CEP63: variants seen among roughly 807,000 people sequenced by gnomAD.
CEP63 encodes centrosomal protein 63, also known as centrosomal protein of 63 kDa.
CEP63 carries 84 observed loss-of-function variants against 89.1 expected under a neutral mutation model. The observed-to-expected ratio is 0.94, with a 90% CI of 0.79 to 1.13. The LOEUF is 1.13. CEP63 is among the 50% of genes most tolerant of loss of function. The probability of loss-of-function intolerance (pLI) is 0.00; values close to 1 mark genes in which losing one functional copy is unlikely to be tolerated. For synonymous variants in CEP63, 267 were observed against 272.5 expected, an observed-to-expected ratio of 0.98 and a Z score of 0.20; for missense variants, 838 against 813.3, an observed-to-expected ratio of 1.03 and a Z score of -0.37.
chr3:134,524,902 G>C (rs1171427569), intron 3 of CEP63, among the ~76,000 whole-genome samples: 1 of 152,094 alleles, frequency 6.6e-6, no homozygotes, highest in African/African-American at 2.4e-5. Context: ...CCATAGAATG[G>C]GTTAGAGAGG....
At chr3:134,749,454 G>A in the CEP63 span, among the ~76,000 whole-genome samples, 36,227 of 151,892 alleles carry the variant, frequency 0.24, 4,646 homozygotes, top group African/African-American at 0.33. Flanking sequence ...AGCCAAAAGA[G>A]CCTGAACCAG....
At chr3:134,637,876 G>T in the CEP63 span, among the ~76,000 whole-genome samples, 5 of 152,254 alleles carry the variant, frequency 3.3e-5, no homozygotes, top group African/African-American at 9.6e-5. Flanking sequence ...CCAGGGCAGG[G>T]TGTTGAGGTG....
At chr3:134,490,776 C>A (rs749116859) in intron 1 of CEP63, among the ~76,000 whole-genome samples, 5 of 151,924 alleles carry the variant, frequency 3.3e-5, no homozygotes, top group African/African-American at 7.3e-5. Flanking sequence ...AAAACACATA[C>A]CTAAAAGCAA....
the CEP63 span, among the ~76,000 whole-genome samples, chr3:134,701,465 T>C: frequency 6.9e-6 from 1 of 145,062 alleles, no homozygotes; most frequent in Non-Finnish European, 1.5e-5. Context: ...TATATATACA[T>C]ACACACACAC....
At chr3:134,508,940 G>A (rs889415845) in intron 3 of CEP63, among the ~76,000 whole-genome samples, 1 of 150,086 alleles carries the variant, frequency 6.7e-6, no homozygotes, top group Admixed American at 6.7e-5. Context: ...TTGTGTGTGA[G>A]ATTGTGTTGT....
rs1957430507 is a variant in CEP63 at position 134,562,329 on chromosome 3, G to T, written c.*794G>T. The T allele has an allele frequency of 1.6e-6, 1 of 643,190 alleles. No individual in the cohort carries two copies. The highest frequency in any genetic ancestry group is 1.9e-6 in the Non-Finnish European group (1 of 517,356). The allele number at this position is 643,190 out of a possible 1,614,324, so 39.8% of individuals were successfully genotyped here. ...GCTGTGGAGAGAGAGAGGAGCAGGA[G>T]GCTGGGTTTGGGGCCCTGAAAGATG... On this transcript the variant is annotated 3_prime_UTR_variant, in exon 15 of 15. Transcript: ENST00000675561.
the CEP63 span, among the ~76,000 whole-genome samples, chr3:134,715,476 G>T: frequency 7.2e-5 from 11 of 151,976 alleles, no homozygotes; most frequent in African/African-American, 2.7e-4. Flanking sequence ...CACATGCAGG[G>T]ATGGTGTTGA....
the CEP63 span, among the ~76,000 whole-genome samples, chr3:134,761,577 A>G: frequency 6.6e-6 from 1 of 152,188 alleles, no homozygotes; most frequent in Non-Finnish European, 1.5e-5. Flanking sequence ...GACACGGCCA[A>G]CAGCAAAGGC....
chr3:134,689,293 GA>G, the CEP63 span, among the ~76,000 whole-genome samples: 1 of 152,060 alleles, frequency 6.6e-6, no homozygotes, highest in African/African-American at 2.4e-5. Context: ...CTATGAGACA[GA>G]AAAAAATGTA....
the CEP63 span, among the ~76,000 whole-genome samples, chr3:134,778,097 CT>C: frequency 0.14 from 17,941 of 132,050 alleles, 1,857 homozygotes; most frequent in African/African-American, 0.32. Context: ...TTCCACGTCA[CT>C]TTTTTTTTTT....
At chr3:134,731,089 T>A in the CEP63 span, among the ~76,000 whole-genome samples, 2 of 152,172 alleles carry the variant, frequency 1.3e-5, no homozygotes, top group African/African-American at 4.8e-5. Context: ...TAAACATTAA[T>A]ATACCTAATA....
the CEP63 span, among the ~76,000 whole-genome samples, chr3:134,696,656 A>G: frequency 1.3e-5 from 2 of 152,192 alleles, no homozygotes; most frequent in Non-Finnish European, 2.9e-5. Flanking sequence ...GGAACTGTTC[A>G]CCTTTAAGGG....
the CEP63 span, chr3:134,597,728 G>T: frequency 2.0e-5 from 3 of 152,360 alleles, no homozygotes; most frequent in Non-Finnish European, 4.4e-5. Context: ...GCTGGGACTT[G>T]GTCAGACTTG....
chr3:134,594,932 T>C, the CEP63 span, among the ~76,000 whole-genome samples: 2 of 152,244 alleles, frequency 1.3e-5, no homozygotes, highest in Non-Finnish European at 2.9e-5. Context: ...GCATGTTGCG[T>C]GGAATCCTCC....
the CEP63 span, chr3:134,604,217 G>C: frequency 3.7e-6 from 6 of 1,613,194 alleles, no homozygotes; most frequent in Non-Finnish European, 5.1e-6. Flanking sequence ...CCCACGGGCT[G>C]GTGAAGCTCA....
chr3:134,703,470 T>C, the CEP63 span, among the ~76,000 whole-genome samples: 3 of 152,156 alleles, frequency 2.0e-5, no homozygotes, highest in African/African-American at 7.2e-5. Context: ...ATCATGTCCT[T>C]TGCAGGAACA....
the CEP63 span, chr3:134,651,204 C>G: frequency 5.3e-6 from 7 of 1,323,080 alleles, no homozygotes; most frequent in African/African-American, 4.5e-5. Context: ...AGGAAATCCC[C>G]GGGCCCAAGC....
At chr3:134,770,842 G>A in the CEP63 span, among the ~76,000 whole-genome samples, 3 of 152,250 alleles carry the variant, frequency 2.0e-5, no homozygotes, top group Admixed American at 6.5e-5. Context: ...CTCCTCTTGC[G>A]TCTGTTTTGC....
chr3:134,672,782 G>A, the CEP63 span, among the ~76,000 whole-genome samples: 1 of 152,126 alleles, frequency 6.6e-6, no homozygotes, highest in Non-Finnish European at 1.5e-5. Context: ...ATTATGTGTT[G>A]GATACCTGGC....
Sources: gnomAD v4.1 joint callset for allele counts (sites outside exome capture counted in the v4.1 genomes callset) on GRCh38, gnomAD v4.1.1 for gene constraint, MANE v1.5 for transcripts, NCBI Gene and HGNC (gene_info 2026-07-23, HGNC 2026-07-21) for gene names.